The following TMPRSS12 variants were observed in gnomAD, a reference collection of about 807,000 sequenced individuals.
TMPRSS12 encodes transmembrane serine protease 12, also known as transmembrane protease serine 12.
In TMPRSS12, 25 loss-of-function variants were observed where a neutral mutation model predicts 26.0. That is an observed-to-expected ratio of 0.96 (90% confidence interval 0.70 to 1.34). TMPRSS12 has a LOEUF of 1.34. TMPRSS12 is among the 40% of genes most tolerant of loss of function. The pLI is 0.00. For synonymous variants in TMPRSS12, 150 were observed against 161.7 expected (o/e 0.93, Z 0.55); for missense variants, 441 against 440.1 (o/e 1.00, Z -0.02).
intron 2 of TMPRSS12, among the ~76,000 whole-genome samples, chr12:50,846,217 T>C (rs1350272484): frequency 6.6e-6 from 1 of 152,228 alleles, no homozygotes; most frequent in Non-Finnish European, 1.5e-5. Context: ...TTATATCAAA[T>C]CCAGTATCAC....
At chr12:50,879,091 T>C (rs1938140523) in intron 3 of TMPRSS12, among the ~76,000 whole-genome samples, 2 of 152,234 alleles carry the variant, frequency 1.3e-5, no homozygotes, top group South Asian at 4.1e-4. Context: ...CTGTTGTTTA[T>C]TAAGCAACTG....
At chr12:50,878,385 C>G (rs1393838046) in intron 3 of TMPRSS12, among the ~76,000 whole-genome samples, 2 of 151,726 alleles carry the variant, frequency 1.3e-5, no homozygotes, top group South Asian at 4.2e-4. Flanking sequence ...ATTTAAAGAC[C>G]AGCCTGCGCA....
chr12:50,885,612 A>C, intron 4 of TMPRSS12: 1 of 622,786 alleles, frequency 1.6e-6, no homozygotes, highest in Non-Finnish European at 2.8e-6. Flanking sequence ...TCTTTTTTTT[A>C]ATCATTACCT....
At chr12:50,870,789 G>T (rs1938035074) in intron 3 of TMPRSS12, among the ~76,000 whole-genome samples, 1 of 148,448 alleles carries the variant, frequency 6.7e-6, no homozygotes, top group Non-Finnish European at 1.5e-5. Flanking sequence ...CAAATCAGTA[G>T]CTCTCCTATA....
chr12:50,845,282 A>G (rs992230045), intron 2 of TMPRSS12, among the ~76,000 whole-genome samples: 80 of 152,180 alleles, frequency 5.3e-4, no homozygotes, highest in African/African-American at 1.9e-3. Flanking sequence ...TGTTGACCAC[A>G]TTCTCTTCTT....
chr12:50,873,819 A>G (rs1938089464), intron 3 of TMPRSS12, among the ~76,000 whole-genome samples: 2 of 152,224 alleles, frequency 1.3e-5, no homozygotes, highest in African/African-American at 4.8e-5. Context: ...GTAGCAAGAC[A>G]GAAACCTTAA....
intron 3 of TMPRSS12, among the ~76,000 whole-genome samples, chr12:50,866,811 G>C (rs1241858376): frequency 6.6e-6 from 1 of 152,164 alleles, no homozygotes; most frequent in Non-Finnish European, 1.5e-5. Flanking sequence ...ACGGGACTCT[G>C]TGCAGACAGC....
chr12:50,869,012 A>G (rs531611997), intron 3 of TMPRSS12, among the ~76,000 whole-genome samples: 34 of 152,222 alleles, frequency 2.2e-4, no homozygotes, highest in African/African-American at 7.9e-4. Context: ...CTAAGAGGAA[A>G]GTTCATAACC....
chr12:50,858,709 A>G, intron 2 of TMPRSS12, 76 bp from the exon 3 acceptor site: 1 of 1,169,170 alleles, frequency 8.6e-7, no homozygotes, highest in South Asian at 2.4e-5. Flanking sequence ...ACATGAGAAG[A>G]AAACTAGTGG....
At position 50,887,251 on chromosome 12, in the gene TMPRSS12, T is replaced by G. The variant is rs753309456; in HGVS notation, c.796-11T>G. The G allele has an allele frequency of 1.9e-6, 3 of 1,610,352 alleles. No homozygotes were observed. Among genetic ancestry groups the G allele is most frequent in the Non-Finnish European group, 2.5e-6 (3 of 1,178,220 alleles). On this transcript the variant is annotated splice_polypyrimidine_tract_variant and intron_variant, in intron 4 of 4. Coordinates refer to ENST00000398458, the MANE Select transcript of TMPRSS12 (RefSeq NM_182559.3). ...GAAGTAACAAACACTATTTTGGGAC[T>G]TTTTTGACAGGGTGACAGTGGGGGA...
At chr12:50,885,603 C>CT (rs777818845) in intron 4 of TMPRSS12, 4 of 629,746 alleles carry the variant, frequency 6.4e-6, no homozygotes, top group Admixed American at 3.0e-5. Flanking sequence ...ACCTTGAATT[C>CT]TTTTTTTTAA....
At chr12:50,875,059 T>A (rs1291095948) in intron 3 of TMPRSS12, among the ~76,000 whole-genome samples, 1 of 152,214 alleles carries the variant, frequency 6.6e-6, no homozygotes, top group African/African-American at 2.4e-5. Flanking sequence ...GCTACCAATG[T>A]TGTTTTTTCA....
At chr12:50,865,043 T>A (rs1937977966) in intron 3 of TMPRSS12, among the ~76,000 whole-genome samples, 1 of 152,136 alleles carries the variant, frequency 6.6e-6, no homozygotes, top group African/African-American at 2.4e-5. Context: ...TTAAAACTCA[T>A]TGGATAGGCT....
At chr12:50,886,576 C>G (rs749923386) in intron 4 of TMPRSS12, 1 of 152,196 alleles carries the variant, frequency 6.6e-6, no homozygotes, top group African/African-American at 2.4e-5. Flanking sequence ...AATAATTATT[C>G]AATGCCTGCC....
At chr12:50,879,200 G>T (rs774032715) in intron 3 of TMPRSS12, among the ~76,000 whole-genome samples, 2 of 152,194 alleles carry the variant, frequency 1.3e-5, no homozygotes, top group African/African-American at 2.4e-5. Flanking sequence ...AGCTACAGTT[G>T]CAAGACTTCT....
chr12:50,866,593 C>T (rs1314143030), intron 3 of TMPRSS12, among the ~76,000 whole-genome samples: 2 of 151,410 alleles, frequency 1.3e-5, no homozygotes, highest in Non-Finnish European at 2.9e-5. Context: ...AGTTCTAGGG[C>T]CCTGTCCACC....
Position 50,843,842 on chromosome 12 carries a change from A to C in TMPRSS12, c.188A>C (p.Asp63Ala). 1 of 1,550,806 alleles carries C rather than the reference A, an allele frequency of 6.4e-7. No individual in the cohort carries two copies. The highest frequency in any genetic ancestry group is 8.7e-7 in the Non-Finnish European group (1 of 1,147,304). ...AATAATATATCATTTTTATTTTTAG[A>C]TTGTGGAACAGCACCGCTTAAGGAT... ...RRREGGAHAEDCGTAPLKDVL... is the reference protein window; with the variant it reads ...RRREGGAHAEACGTAPLKDVL... The change falls in exon 2 of 5, where the codon GAT becomes GCT. Residue 63 changes from aspartate to alanine, a missense_variant and splice_region_variant. Transcript: ENST00000398458.
intron 1 of TMPRSS12, 109 bp downstream of exon 1, chr12:50,843,260 C>A: frequency 8.9e-7 from 1 of 1,126,674 alleles, no homozygotes; most frequent in Non-Finnish European, 1.2e-6. Flanking sequence ...GGCCTTTAAC[C>A]AAAATTTTAC....
rs1365729084 is a variant in TMPRSS12, at chr12:50,872,771, G to GTA, written c.653-12469_653-12468dup. Among the ~76,000 whole-genome samples the GTA allele has an allele frequency of 3.6e-5, 2 of 55,746 alleles. 1 individual carries two copies. Among genetic ancestry groups the GTA allele is most frequent in the African/African-American group, 1.8e-4 (2 of 11,114 alleles). 36.6% of individuals were successfully genotyped at this position (55,746 alleles called of 152,430 possible). A position where few individuals can be genotyped will look rare whatever the true frequency, so the allele number is the denominator to read the frequency against. On this transcript the variant is annotated intron_variant, in intron 3 of 4. Coordinates refer to ENST00000398458, the MANE Select transcript of TMPRSS12 (RefSeq NM_182559.3). ...GTCTATATATGTACATATATATGAC[G>GTA]TATATATGTACATATATATGACGTA...
Sources: allele counts gnomAD v4.1 joint callset (sites outside exome capture counted in the v4.1 genomes callset), GRCh38; gene constraint gnomAD v4.1.1; transcripts MANE v1.5; gene names NCBI Gene and HGNC (gene_info 2026-07-23, HGNC 2026-07-21).